CSPP1: variants seen among roughly 807,000 people sequenced by gnomAD.
CSPP1 encodes the protein centrosome and spindle pole associated protein 1.
A neutral mutation model predicts 164.4 loss-of-function variants in CSPP1; 126 were observed. The ratio of observed to expected loss-of-function variants is 0.77; its 90% CI spans 0.66 to 0.89. The LOEUF (loss-of-function observed/expected upper bound fraction) is 0.89, where lower values mean the gene tolerates loss of function less well. Ranked by LOEUF, CSPP1 falls within the 40% of genes least tolerant of loss-of-function variation. The pLI is 0.00. For synonymous variants in CSPP1, 472 were observed against 476.7 expected (o/e 0.99, Z 0.13); for missense variants, 1,395 against 1,449.8 (o/e 0.96, Z 0.61).
At chr8:67,159,957 C>CTTTTCTTTTCTTTTTTCTTTTCT (rs71249422) in intron 21 of CSPP1, among the ~76,000 whole-genome samples, 1 of 20,020 alleles carries the variant, frequency 5.0e-5, no homozygotes, top group Non-Finnish European at 8.9e-5. Flanking sequence ...TTCCTTCCTT[C>CTTTTCTTTTCTTTTTTCTTTTCT]TTTCTTTTCT....
rs547349460 is a variant in CSPP1, at chr8:67,086,757, T to C, written c.303+647T>C. 1.8e-4 allele frequency: 152 copies of C among 829,734 alleles called. 3 individuals are homozygous for C. In the South Asian group the frequency reaches 2.0e-3, roughly 11 times the overall value. The allele number at this position is 829,734 out of a possible 1,614,324, so 51.4% of individuals were successfully genotyped here. A position where few individuals can be genotyped will look rare whatever the true frequency, so the allele number is the denominator to read the frequency against. On this transcript the variant is annotated intron_variant, in intron 4 of 30. Coordinates refer to ENST00000678616, the MANE Select transcript of CSPP1 (RefSeq NM_001382391.1). ...TGTACAAATGTCTCTTATTCTGATT[T>C]ACACATGGAGAGAATGAACTTTGAC...
At chr8:67,081,794 G>A (rs547129781) in intron 3 of CSPP1, among the ~76,000 whole-genome samples, 5 of 152,222 alleles carry the variant, frequency 3.3e-5, no homozygotes, top group African/African-American at 9.6e-5. Context: ...ATCCAGGCTC[G>A]TGTGCAGTGG....
intron 3 of CSPP1, among the ~76,000 whole-genome samples, chr8:67,082,055 T>C (rs1307407241): frequency 6.6e-6 from 1 of 152,158 alleles, no homozygotes; most frequent in East Asian, 1.9e-4. Context: ...GTAGTTTTAA[T>C]TATTTGTTTT....
chr8:67,154,061 A>G lies in CSPP1; in HGVS notation c.2166A>G (p.Gly722=). The stretch of plus-strand genomic sequence containing the variant: ...CACAGAGCTCTCCTTTTGCTCGGGG[A>G]AATGTATTTGGTGAGCCTCCAACTG... ...MQTQSSPFAR[G]NVFGEPPTEL... Residue 722 remains glycine (G), a synonymous_variant, in exon 19 of 31, where the codon GGA becomes GGG. Transcript: ENST00000678616. 1 of 1,607,132 alleles carries G rather than the reference A, an allele frequency of 6.2e-7. No individual in the cohort carries two copies. Among genetic ancestry groups the G allele is most frequent in the Non-Finnish European group, 8.5e-7 (1 of 1,174,632 alleles).
At chr8:67,195,249 A>AAAC in intron 30 of CSPP1, 133 bp from the exon 31 acceptor site, 9 of 724,952 alleles carry the variant, frequency 1.2e-5, no homozygotes, top group Non-Finnish European at 2.2e-5. Context: ...CAAAACAAAC[A>AAAC]AACAGTAGAG....
intron 27 of CSPP1, among the ~76,000 whole-genome samples, chr8:67,178,315 G>GT (rs140101178): frequency 0.017 from 2,665 of 152,290 alleles, 32 homozygotes; most frequent in Middle Eastern, 0.044. Flanking sequence ...ACACCCACCT[G>GT]TATCCTGAGG....
chr8:67,105,170 CGT>C (rs1227388859), intron 8 of CSPP1, among the ~76,000 whole-genome samples: 1 of 150,132 alleles, frequency 6.7e-6, no homozygotes, highest in Admixed American at 6.7e-5. Context: ...GGATTATAGG[CGT>C]GTGCCACCAT....
chr8:67,196,417 G>C lies in CSPP1; in HGVS notation c.*824G>C, dbSNP rs1837949784. Among the ~76,000 whole-genome samples the C allele has an allele frequency of 6.6e-6, 1 of 152,126 alleles. No homozygotes were observed. The highest frequency in any genetic ancestry group is 2.1e-4 in the South Asian group (1 of 4,824). On this transcript the variant is annotated 3_prime_UTR_variant, in exon 31 of 31. Coordinates refer to ENST00000678616, the MANE Select transcript of CSPP1 (RefSeq NM_001382391.1). The stretch of plus-strand genomic sequence containing the variant: ...TCCATGTGAGTTTTCTAATCACTCA[G>C]TAAGTGATACTTCTAAAAAAGGAAA...
chr8:67,115,473 A>T (rs1817736449), intron 12 of CSPP1, among the ~76,000 whole-genome samples: 1 of 152,156 alleles, frequency 6.6e-6, no homozygotes, highest in Non-Finnish European at 1.5e-5. Context: ...TGAGGCCAGG[A>T]GTTCAAGACC....
At chr8:67,161,260 C>T (rs1172949993) in intron 21 of CSPP1, among the ~76,000 whole-genome samples, 3 of 152,102 alleles carry the variant, frequency 2.0e-5, no homozygotes, top group Non-Finnish European at 2.9e-5. Flanking sequence ...GGCTTGTTTG[C>T]TCCATCCTCT....
intron 8 of CSPP1, among the ~76,000 whole-genome samples, chr8:67,104,968 T>TATATATATATATA (rs58594151): frequency 2.5e-4 from 20 of 78,450 alleles, no homozygotes; most frequent in Non-Finnish European, 3.7e-4. Context: ...ATATATATAT[T>TATATATATATATA]TTTTTTTTTT....
At chr8:67,106,016 G>T in intron 9 of CSPP1, 41 bp downstream of exon 9, 1 of 989,590 alleles carries the variant, frequency 1.0e-6, no homozygotes. Flanking sequence ...TGTATAGAGT[G>T]TCTTATAATC....
chr8:67,101,806 A>G (rs1048988770), intron 7 of CSPP1, among the ~76,000 whole-genome samples: 1 of 152,184 alleles, frequency 6.6e-6, no homozygotes, highest in Non-Finnish European at 1.5e-5. Context: ...TCTTAATCCA[A>G]TAATGAAATT....
At chr8:67,088,831 A>G (rs978134349) in intron 4 of CSPP1, among the ~76,000 whole-genome samples, 3 of 150,710 alleles carry the variant, frequency 2.0e-5, no homozygotes, top group African/African-American at 7.3e-5. Flanking sequence ...CTGGAGGCGG[A>G]GCTTGCAGTG....
intron 28 of CSPP1, among the ~76,000 whole-genome samples, chr8:67,181,508 T>C (rs1833036997): frequency 6.6e-6 from 1 of 151,952 alleles, no homozygotes; most frequent in Non-Finnish European, 1.5e-5. Context: ...CAAGATGGTG[T>C]GTTGGAGTAT....
intron 3 of CSPP1, among the ~76,000 whole-genome samples, chr8:67,082,950 A>T (rs1172817381): frequency 6.6e-6 from 1 of 152,212 alleles, no homozygotes; most frequent in African/African-American, 2.4e-5. Flanking sequence ...TCATTAAGTC[A>T]ATTGAGATGC....
Position 67,105,909 on chromosome 8 carries a change from C to T in CSPP1, c.1027C>T (p.Pro343Ser), listed in dbSNP as rs777179827. 4.5e-6 allele frequency: 7 copies of T among 1,554,304 alleles called. No homozygotes were observed. Among genetic ancestry groups the T allele is most frequent in the South Asian group, 2.2e-5 (2 of 89,672 alleles). ...TCTCTGTCTTTTTTTCTTTAGTGCT[C>T]CAGACAATGAAACATCCAAATCTGC... ...RISSAENKSA[P>S]DNETSKSANQ... Residue 343 changes from proline to serine, a missense_variant, in exon 9 of 31, where the codon CCA (proline) becomes TCA (serine). Pro to Ser is a moderately conservative substitution (Grantham distance 74). Coordinates refer to ENST00000678616, the MANE Select transcript of CSPP1 (RefSeq NM_001382391.1).
rs566725004 is a variant in CSPP1, at chr8:67,107,670, T to C, written c.1093+1695T>C. On this transcript the variant is annotated intron_variant, in intron 9 of 30. Transcript: ENST00000678616. ...ACATTCCATCTTCAGATGGCTGTGA[T>C]TGTTATGATACTCTTATTTCAATTG... 2.6e-5 allele frequency among the ~76,000 whole-genome samples: 4 copies of C among 152,312 alleles called. No individual in the cohort carries two copies. The East Asian group carries it at 7.7e-4, about 29-fold the overall frequency.
Position 67,158,450 on chromosome 8 carries a change from G to A in CSPP1, c.2245G>A (p.Glu749Lys), listed in dbSNP as rs770075138. The A allele has an allele frequency of 9.5e-6, 15 of 1,587,034 alleles. No individual in the cohort carries two copies. The African/African-American group carries it at 1.9e-4, about 20-fold the overall frequency. Residue 749 changes from glutamate to lysine, a missense_variant, in exon 20 of 31, where the codon GAG becomes AAG. Coordinates refer to ENST00000678616, the MANE Select transcript of CSPP1 (RefSeq NM_001382391.1). ...ATAACTAAGTTTAATTCTTTAGATT[G>A]AGGAAAAGAAACAAAGAGAGGAAGC... ...LYKNFLRFQI[E>K]EKKQREEAER...
Sources: allele counts gnomAD v4.1 joint callset (sites outside exome capture counted in the v4.1 genomes callset), GRCh38; gene constraint gnomAD v4.1.1; transcripts MANE v1.5; gene names NCBI Gene and HGNC (gene_info 2026-07-23, HGNC 2026-07-21).